Variants in INA observed in about 807,000 individuals in gnomAD.
INA encodes the protein alpha-internexin.
A neutral mutation model predicts 40.1 loss-of-function variants in INA; 35 were observed. That is an observed-to-expected ratio of 0.87 (90% confidence interval 0.67 to 1.16). The LOEUF is 1.16. Among genes scored for constraint, INA ranks in the 50% most tolerant of loss-of-function variants. The probability of loss-of-function intolerance (pLI) is 0.00; values close to 1 mark genes in which losing one functional copy is unlikely to be tolerated. For synonymous variants in INA, 290 were observed against 316.9 expected (o/e 0.92, Z 0.90); for missense variants, 594 against 686.7 (o/e 0.87, Z 1.51).
At chr10:103,285,244 A>T (rs1008406560) in intron 1 of INA, among the ~76,000 whole-genome samples, 1 of 151,894 alleles carries the variant, frequency 6.6e-6, no homozygotes, top group Non-Finnish European at 1.5e-5. Context: ...TCAGCCTCCC[A>T]AAGTGCTGGG....
At chr10:103,279,484 G>GACAGGA (rs1564714213) in intron 1 of INA, among the ~76,000 whole-genome samples, 1 of 151,958 alleles carries the variant, frequency 6.6e-6, no homozygotes, top group East Asian at 1.9e-4. Context: ...CAGAGGCAGG[G>GACAGGA]GACAGGGTAA....
intron 1 of INA, among the ~76,000 whole-genome samples, chr10:103,282,908 A>G (rs1226407672): frequency 2.0e-5 from 3 of 152,228 alleles, no homozygotes; most frequent in Non-Finnish European, 4.4e-5. Context: ...GTATGATATT[A>G]TCAAGAATAA....
In INA at chr10:103,277,625, C is replaced by T. The variant is rs767274223; in HGVS notation, c.414C>T (p.Arg138=). ...ALRQRHAEPS[R]VGELFQRELR... is the part of the protein sequence containing the mutation. Reference sequence around the variant, plus strand: ...GACAGCGCCACGCTGAGCCGTCGCGCGTCGGCGAGCTCTTCCAGCGCGAGC... The same window carrying T: ...GACAGCGCCACGCTGAGCCGTCGCGTGTCGGCGAGCTCTTCCAGCGCGAGC... Residue 138 remains arginine (R), a synonymous_variant, in exon 1 of 3, where the codon CGC becomes CGT. Coordinates refer to ENST00000369849, the MANE Select transcript of INA (RefSeq NM_032727.4). The surrounding 1 kb of genome is among the most constrained non-coding windows in gnomAD (Gnocchi z 5.6). The T allele has an allele frequency of 1.4e-6, 2 of 1,479,148 alleles. No individual in the cohort carries two copies. The highest frequency in any genetic ancestry group is 2.4e-5 in the Admixed American group (1 of 41,752). 91.6% of individuals were successfully genotyped at this position (1,479,148 alleles called of 1,614,324 possible). A position where few individuals can be genotyped will look rare whatever the true frequency, so the allele number is the denominator to read the frequency against.
At chr10:103,285,128 CAT>C (rs2093082508) in intron 1 of INA, among the ~76,000 whole-genome samples, 1 of 151,880 alleles carries the variant, frequency 6.6e-6, no homozygotes, top group Non-Finnish European at 1.5e-5. Context: ...GGATTATAGG[CAT>C]GCACCACCAC....
chr10:103,286,944 G>T, intron 1 of INA, 91 bp from the exon 2 acceptor site: 7 of 1,328,970 alleles, frequency 5.3e-6, no homozygotes, highest in African/African-American at 1.4e-5. Context: ...TGATTTTAAT[G>T]TGTAGTCAGG....
chr10:103,284,527 G>A (rs4918004), intron 1 of INA, among the ~76,000 whole-genome samples: 1,802 of 152,134 alleles, frequency 0.012, 19 homozygotes, highest in Middle Eastern at 0.027. Context: ...AGGCTGAGGC[G>A]GGCGGATCAC....
rs756619107 is a variant in INA, at chr10:103,277,788, G to C, written c.577G>C (p.Glu193Gln). ...GGAGAGCCGCGGACGCGAAGGCGCC[G>C]AGCGCGCCCTGAAGGCGCAGCAGCG... Reference protein sequence around the residue: ...EEESRGREGAERALKAQQRDV... With the variant: ...EEESRGREGAQRALKAQQRDV... The change falls in exon 1 of 3, where the codon GAG becomes CAG. Residue 193 changes from glutamate to glutamine, a missense_variant. Glu to Gln is a conservative substitution (Grantham distance 29, BLOSUM62 2). Around this residue, in one of 2 missense-constraint regions of INA, gnomAD observed 379 missense variants for 496.1 expected, o/e 0.76. Coordinates refer to ENST00000369849, the MANE Select transcript of INA (RefSeq NM_032727.4). The surrounding 1 kb of genome is among the most constrained non-coding windows in gnomAD (Gnocchi z 5.6). 84 of 1,511,200 alleles carry C rather than the reference G, an allele frequency of 5.6e-5. No homozygotes were observed. The highest frequency in any genetic ancestry group is 1.1e-4 in the Admixed American group (5 of 46,776). 93.6% of individuals were successfully genotyped at this position (1,511,200 alleles called of 1,614,324 possible).
chr10:103,288,363 A>C lies in INA; in HGVS notation c.1194A>C (p.Lys398Asn), dbSNP rs1475706829. 6.3e-7 allele frequency: 1 copy of C among 1,590,984 alleles called. No individual in the cohort carries two copies. The highest frequency in any genetic ancestry group is 1.1e-5 in the South Asian group (1 of 88,710). Residue 398 changes from lysine (K) to asparagine (N), a missense_variant, in exon 3 of 3, where the codon AAA becomes AAC. This residue lies in a region of INA where 379 missense variants were observed against 496.1 expected (regional missense o/e 0.76). Transcript: ENST00000369849. ...ALDIEIAAYR[K>N]LLEGEETRFS... ...TTTTTCTCTGTTGAATTTACAGGAA[A>C]CTGCTGGAAGGCGAGGAGACACGTT...
intron 2 of INA, among the ~76,000 whole-genome samples, chr10:103,287,653 T>G (rs1458603318): frequency 6.6e-6 from 1 of 150,778 alleles, no homozygotes; most frequent in East Asian, 1.9e-4. Flanking sequence ...GAGAATCGCT[T>G]GAACCTGGGA....
intron 2 of INA, among the ~76,000 whole-genome samples, 168 bp from the exon 3 acceptor site, chr10:103,288,192 G>A (rs1477882674): frequency 5.3e-5 from 8 of 152,084 alleles, no homozygotes; most frequent in Non-Finnish European, 7.3e-5. Context: ...GCGTATGCAC[G>A]TGGTCCAACC....
chr10:103,277,977 G>A lies in INA; in HGVS notation c.766G>A (p.Val256Met). 4.4e-6 allele frequency: 7 copies of A among 1,582,584 alleles called. No individual in the cohort carries two copies. Among genetic ancestry groups the A allele is most frequent in the Non-Finnish European group, 6.0e-6 (7 of 1,165,344 alleles). Residue 256 changes from valine to methionine, a missense_variant, in exon 1 of 3, where the codon GTG becomes ATG. Coordinates refer to ENST00000369849, the MANE Select transcript of INA (RefSeq NM_032727.4). This position sits in a 1 kb window ranked among gnomAD's most constrained non-coding sequence, Gnocchi z 5.6. Reference sequence around the variant, plus strand: ...GGCCGCGGCCGAGGTGGACGTGACTGTGGCTAAACCAGACCTGACCTCGGC... The same window carrying A: ...GGCCGCGGCCGAGGTGGACGTGACTATGGCTAAACCAGACCTGACCTCGGC... ...SQAAAEVDVT[V>M]AKPDLTSALR...
Position 103,277,527 on chromosome 10 carries a change from G to T in INA, c.316G>T (p.Ala106Ser). The T allele has an allele frequency of 6.3e-7, 1 of 1,586,450 alleles. No homozygotes were observed. Among genetic ancestry groups the T allele is most frequent in the Non-Finnish European group, 8.5e-7 (1 of 1,170,184 alleles). The change falls in exon 1 of 3, where the codon GCC becomes TCC. Residue 106 changes from alanine (A) to serine (S), a missense_variant. Ala to Ser is a moderately conservative substitution (Grantham distance 99). Transcript: ENST00000369849. This position sits in a 1 kb window ranked among gnomAD's most constrained non-coding sequence, Gnocchi z 5.6. Reference sequence around the variant, plus strand: ...GCTGCAGGGCCTCAACGACCGCTTCGCCGTGTTCATCGAGAAGGTGCATCA... The same window carrying T: ...GCTGCAGGGCCTCAACGACCGCTTCTCCGTGTTCATCGAGAAGGTGCATCA... ...EQLQGLNDRFAVFIEKVHQLE... is the reference protein window; with the variant it reads ...EQLQGLNDRFSVFIEKVHQLE...
At chr10:103,286,985 A>G (rs865822721) in intron 1 of INA, 50 bp from the exon 2 acceptor site, 9 of 1,594,794 alleles carry the variant, frequency 5.6e-6, no homozygotes, top group Admixed American at 3.4e-5. Flanking sequence ...GGAAATCTTG[A>G]GGAATTTCAG....
chr10:103,283,073 G>A (rs2093076136), intron 1 of INA, among the ~76,000 whole-genome samples: 1 of 151,822 alleles, frequency 6.6e-6, no homozygotes, highest in Non-Finnish European at 1.5e-5. Flanking sequence ...TAGAAAAAGA[G>A]TAAACATAAC....
At position 103,289,869 on chromosome 10, in the gene INA, A is replaced by G. The variant is rs1419856940; in HGVS notation, c.*1200A>G. ...CAACACTACCAGCGTATATATAAGA[A>G]AGACATCTTTCTCTTTTCTAAAAGA... is the stretch of plus-strand genomic sequence containing the variant. On this transcript the variant is annotated 3_prime_UTR_variant, in exon 3 of 3. Transcript: ENST00000369849. 1 of 152,564 alleles carries G rather than the reference A, an allele frequency of 6.6e-6. No homozygotes were observed. Among genetic ancestry groups the G allele is most frequent in the African/African-American group, 2.4e-5 (1 of 41,462 alleles). 9.5% of individuals were successfully genotyped at this position (152,564 alleles called of 1,614,324 possible).
intron 1 of INA, chr10:103,279,896 G>T (rs1157725501): frequency 1.7e-5 from 21 of 1,270,164 alleles, no homozygotes; most frequent in Non-Finnish European, 2.2e-5. Flanking sequence ...TGGATGGCCT[G>T]AATTAATCAC....
At chr10:103,283,592 AT>A (rs1330554854) in intron 1 of INA, among the ~76,000 whole-genome samples, 1 of 152,096 alleles carries the variant, frequency 6.6e-6, no homozygotes, top group East Asian at 1.9e-4. Flanking sequence ...ATGAATTTTA[AT>A]TCTGCAAATT....
chr10:103,280,652 G>C (rs1200303594), intron 1 of INA: 1 of 985,320 alleles, frequency 1.0e-6, no homozygotes, highest in East Asian at 1.1e-4. Context: ...TTTAAGGAGA[G>C]AAAGCTTCTT....
At chr10:103,284,440 G>A (rs1024956238) in intron 1 of INA, among the ~76,000 whole-genome samples, 1 of 152,212 alleles carries the variant, frequency 6.6e-6, no homozygotes, top group Non-Finnish European at 1.5e-5. Flanking sequence ...GAAAGCAACA[G>A]AAAATAAACT....
Sources: gnomAD v4.1 joint callset for allele counts (sites outside exome capture counted in the v4.1 genomes callset) on GRCh38, gnomAD v4.1.1 for gene constraint, gnomAD v4.1.1 regional missense constraint, Gnocchi (gnomAD v3.1) non-coding constraint, MANE v1.5 for transcripts, NCBI Gene and HGNC (gene_info 2026-07-23, HGNC 2026-07-21) for gene names.